ADAM32: variants seen among roughly 807,000 people sequenced by gnomAD.
ADAM32 encodes the protein ADAM metallopeptidase domain 32.
A neutral mutation model predicts 114.9 loss-of-function variants in ADAM32; 89 were observed. The ratio of observed to expected loss-of-function variants is 0.77; its 90% confidence interval spans 0.65 to 0.92. The LOEUF is 0.92. Ranked by LOEUF, ADAM32 falls within the 40% of genes least tolerant of loss-of-function variation. The pLI is 0.00. For synonymous variants in ADAM32, 285 were observed against 307.5 expected, an observed-to-expected ratio of 0.93 and a Z score of 0.77; for missense variants, 870 against 932.8, an observed-to-expected ratio of 0.93 and a Z score of 0.88.
chr8:39,267,877 C>T (rs1306943018), intron 19 of ADAM32, among the ~76,000 whole-genome samples: 1 of 152,144 alleles, frequency 6.6e-6, no homozygotes, highest in Non-Finnish European at 1.5e-5. Flanking sequence ...AGGTAATTTA[C>T]AGAGTGGTTA....
intron 18 of ADAM32, among the ~76,000 whole-genome samples, chr8:39,255,710 C>T (rs763879434): frequency 5.9e-5 from 9 of 151,838 alleles, no homozygotes; most frequent in Non-Finnish European, 8.8e-5. Context: ...TCTTTTGCTT[C>T]GCAGAAGCTT....
intron 11 of ADAM32, among the ~76,000 whole-genome samples, chr8:39,188,410 CATCT>C (rs751904505): frequency 1.3e-4 from 20 of 151,870 alleles, no homozygotes; most frequent in Non-Finnish European, 2.4e-4. Flanking sequence ...TCTATCCATC[CATCT>C]ATCACAACAA....
chr8:39,211,112 C>T (rs1585549793), intron 11 of ADAM32, 32 bp from the exon 12 acceptor site: 4 of 1,396,484 alleles, frequency 2.9e-6, no homozygotes, highest in Non-Finnish European at 2.8e-6. Context: ...CAGAAGTATA[C>T]TGCCAATGAC....
intron 17 of ADAM32, among the ~76,000 whole-genome samples, chr8:39,253,355 G>A (rs1279525528): frequency 2.6e-5 from 4 of 151,586 alleles, no homozygotes; most frequent in Admixed American, 1.3e-4. Context: ...TTTACTTTAA[G>A]ATCTATAACA....
chr8:39,141,472 T>C (rs1277111576), intron 3 of ADAM32, among the ~76,000 whole-genome samples: 4 of 152,154 alleles, frequency 2.6e-5, no homozygotes, highest in Admixed American at 2.6e-4. Context: ...AGGAGCAGAT[T>C]GTTCAGTTTT....
intron 10 of ADAM32, among the ~76,000 whole-genome samples, chr8:39,176,522 C>G (rs1805541088): frequency 6.6e-6 from 1 of 152,092 alleles, no homozygotes; most frequent in Non-Finnish European, 1.5e-5. Flanking sequence ...ATTTTGAGTT[C>G]TAATTTGATT....
At chr8:39,218,116 C>T (rs943039898) in intron 12 of ADAM32, among the ~76,000 whole-genome samples, 1 of 151,876 alleles carries the variant, frequency 6.6e-6, no homozygotes, top group Non-Finnish European at 1.5e-5. Flanking sequence ...TTTGCAGACT[C>T]TTAGAGGTAC....
At chr8:39,160,164 T>C (rs1804408713) in intron 6 of ADAM32, among the ~76,000 whole-genome samples, 1 of 152,084 alleles carries the variant, frequency 6.6e-6, no homozygotes, top group South Asian at 2.1e-4. Context: ...CTCAAACAAG[T>C]TACAAAGCCC....
At chr8:39,107,606 G>A (rs910753579), upstream of ADAM32, 5 of 1,446,074 alleles carry the variant, frequency 3.5e-6, no homozygotes, top group East Asian at 5.3e-5. Flanking sequence ...CACGCTGCGG[G>A]CCCTTCGTGT....
chr8:39,206,707 T>C (rs1807860255), intron 11 of ADAM32, among the ~76,000 whole-genome samples: 1 of 152,126 alleles, frequency 6.6e-6, no homozygotes, highest in Non-Finnish European at 1.5e-5. Context: ...TCAGCTAGAG[T>C]GCTGGAGACA....
chr8:39,270,520 T>G (rs891918066), intron 19 of ADAM32, among the ~76,000 whole-genome samples: 3 of 152,200 alleles, frequency 2.0e-5, no homozygotes, highest in African/African-American at 7.2e-5. Context: ...TCAGAGTTAG[T>G]CTTTTCTTTA....
chr8:39,222,880 A>T (rs185602404), intron 13 of ADAM32, among the ~76,000 whole-genome samples, 160 bp from the exon 14 acceptor site: 1 of 152,196 alleles, frequency 6.6e-6, no homozygotes, highest in Admixed American at 6.5e-5. Flanking sequence ...CATTCCATTT[A>T]TATTTTTATA....
intron 2 of ADAM32, 82 bp from the exon 3 acceptor site, chr8:39,136,575 G>A (rs910284766): frequency 2.4e-6 from 2 of 844,730 alleles, no homozygotes; most frequent in Non-Finnish European, 3.6e-6. Flanking sequence ...AGCATTGTTT[G>A]GACAGATTAA....
At chr8:39,135,362 T>C (rs1302053117) in intron 2 of ADAM32, among the ~76,000 whole-genome samples, 1 of 152,176 alleles carries the variant, frequency 6.6e-6, no homozygotes, top group Non-Finnish European at 1.5e-5. Context: ...GTTTTCTCGA[T>C]TTATGTCTGG....
intron 16 of ADAM32, among the ~76,000 whole-genome samples, chr8:39,244,282 G>A (rs183803689): frequency 6.6e-6 from 1 of 152,066 alleles, no homozygotes; most frequent in African/African-American, 2.4e-5. Context: ...AAATTCATAT[G>A]GAACCAAAAA....
At chr8:39,257,468 T>C in intron 19 of ADAM32, 125 bp downstream of exon 19, 3 of 1,161,326 alleles carry the variant, frequency 2.6e-6, no homozygotes, top group Non-Finnish European at 3.5e-6. Flanking sequence ...TACATCAATA[T>C]GTCATTTAAT....
intron 2 of ADAM32, among the ~76,000 whole-genome samples, chr8:39,127,130 C>CT (rs1802164871): frequency 6.6e-6 from 1 of 152,044 alleles, no homozygotes; most frequent in East Asian, 1.9e-4. Context: ...CTGAAGTTTT[C>CT]TTTTTTTGTT....
intron 6 of ADAM32, among the ~76,000 whole-genome samples, chr8:39,155,140 G>T (rs562952106): frequency 1.3e-5 from 2 of 152,280 alleles, no homozygotes; most frequent in South Asian, 4.1e-4. Context: ...GGCAAAAACT[G>T]GAAGCATTCT....
rs146693450 is a variant in ADAM32, at chr8:39,134,674, C to T, written c.139-1983C>T. Among the ~76,000 whole-genome samples, 36 of 152,282 alleles carry T rather than the reference C, an allele frequency of 2.4e-4. 1 individual carries two copies. The East Asian group carries it at 3.1e-3, about 13-fold the overall frequency. ...TGGCCTCCGATAATCAACTCCTCTA[C>T]ACTCTTTAAAGATCTACCTAAACTT... On this transcript the variant is annotated intron_variant, in intron 2 of 24. Coordinates refer to ENST00000379907, the MANE Select transcript of ADAM32 (RefSeq NM_145004.7).
Sources: gnomAD v4.1 joint callset for allele counts (sites outside exome capture counted in the v4.1 genomes callset) on GRCh38, gnomAD v4.1.1 for gene constraint, MANE v1.5 for transcripts, NCBI Gene and HGNC (gene_info 2026-07-23, HGNC 2026-07-21) for gene names.